Variants in DAPK2 observed in about 807,000 individuals in gnomAD.
The protein encoded by DAPK2 is death-associated protein kinase 2.
A neutral mutation model predicts 44.1 loss-of-function variants in DAPK2; 35 were observed. That is an observed-to-expected ratio of 0.79 (90% CI 0.61 to 1.05). The LOEUF is 1.05. Among genes scored for constraint, DAPK2 ranks in the 50% least tolerant of loss-of-function variants. The pLI, the probability that DAPK2 is intolerant of heterozygous loss-of-function variation, is 0.00. For synonymous variants in DAPK2, 174 were observed against 182.6 expected (o/e 0.95, Z 0.38); for missense variants, 453 against 483.2 (o/e 0.94, Z 0.59).
rs58879927 is a variant in DAPK2, at chr15:64,002,974, C to CTGTGTGTGTGTG, written c.93-19232_93-19221dup. The stretch of plus-strand genomic sequence containing the variant: ...TGTGTGTGTGTGTGTGTCGTGGGAC[C>CTGTGTGTGTGTG]TGTGTGTGTGTGTGTGTGTGTGTGT... On this transcript the variant is annotated intron_variant, in intron 1 of 10. Coordinates refer to ENST00000261891, the Ensembl canonical transcript of DAPK2. 8.6e-3 allele frequency among the ~76,000 whole-genome samples: 444 copies of CTGTGTGTGTGTG among 51,532 alleles called. 13 individuals are homozygous for CTGTGTGTGTGTG. Among genetic ancestry groups the CTGTGTGTGTGTG allele is most frequent in the South Asian group, 0.018 (19 of 1,070 alleles). The allele number at this position is 51,532 out of a possible 152,430, so 33.8% of individuals were successfully genotyped here.
At chr15:64,026,038 T>G (rs532573821) in intron 1 of DAPK2, among the ~76,000 whole-genome samples, 1 of 152,274 alleles carries the variant, frequency 6.6e-6, no homozygotes, top group African/African-American at 2.4e-5. Context: ...GTAGGAGCCC[T>G]CGCAGGTGAA....
intron 1 of DAPK2, among the ~76,000 whole-genome samples, chr15:64,036,243 G>A (rs1322496000): frequency 6.8e-6 from 1 of 147,808 alleles, no homozygotes; most frequent in Non-Finnish European, 1.5e-5. Context: ...CCTGGCGACA[G>A]AGTGAAACTC....
rs534746906 is a variant in DAPK2, at chr15:64,035,651, T to C, written c.92+4519A>G. Among the ~76,000 whole-genome samples the C allele has an allele frequency of 3.6e-4, 55 of 152,340 alleles. 1 individual carries two copies. Among genetic ancestry groups the C allele is most frequent in the Middle Eastern group, 6.8e-3 (2 of 294 alleles). Reference sequence around the variant, plus strand: ...GAGTTTCTCTTTATGAGCCCTGCTCTGATATTTCCCTGCTCTGCTCTACTG... The same window carrying C: ...GAGTTTCTCTTTATGAGCCCTGCTCCGATATTTCCCTGCTCTGCTCTACTG... On this transcript the variant is annotated intron_variant, in intron 1 of 10. Transcript: ENST00000261891.
At chr15:63,956,948 T>C (rs1435621352) in intron 3 of DAPK2, among the ~76,000 whole-genome samples, 7 of 152,228 alleles carry the variant, frequency 4.6e-5, no homozygotes. Context: ...GAATGATCCA[T>C]GTGCTGAGCA....
intron 1 of DAPK2, among the ~76,000 whole-genome samples, chr15:63,993,856 A>G (rs1370904611): frequency 6.6e-6 from 1 of 152,132 alleles, no homozygotes; most frequent in East Asian, 1.9e-4. Context: ...GACATACTGT[A>G]TCACAGGTAT....
intron 3 of DAPK2, among the ~76,000 whole-genome samples, chr15:63,968,666 C>T (rs1328583583): frequency 2.0e-5 from 3 of 152,218 alleles, no homozygotes; most frequent in Admixed American, 2.0e-4. Flanking sequence ...CTCTCTAACC[C>T]TTACAGCTCT....
chr15:63,970,148 A>T (rs1247373352), intron 3 of DAPK2, among the ~76,000 whole-genome samples: 1 of 152,180 alleles, frequency 6.6e-6, no homozygotes, highest in Non-Finnish European at 1.5e-5. Context: ...ATCACTCTGA[A>T]ACAAGTACAT....
intron 3 of DAPK2, among the ~76,000 whole-genome samples, chr15:63,961,904 G>A (rs1362231687): frequency 6.6e-6 from 1 of 152,128 alleles, no homozygotes; most frequent in Middle Eastern, 3.2e-3. Context: ...CACTAGGTTG[G>A]GGAAGTTCTA....
chr15:63,943,298 C>T (rs962756625), intron 3 of DAPK2, among the ~76,000 whole-genome samples: 11 of 152,096 alleles, frequency 7.2e-5, no homozygotes, highest in South Asian at 6.2e-4. Flanking sequence ...CATGGTGGCA[C>T]ACACTTGTAG....
At position 64,018,769 on chromosome 15, in the gene DAPK2, G is replaced by C. The variant is rs183366342; in HGVS notation, c.92+21401C>G. ...AAGGTCCTCAGTCCTGGATGGAGAC[G>C]CATGTACCTTATTTGTTAGCTCAGG... is the stretch of plus-strand genomic sequence containing the variant. On this transcript the variant is annotated intron_variant, in intron 1 of 10. Coordinates refer to ENST00000261891, the Ensembl canonical transcript of DAPK2. 1.3e-3 allele frequency among the ~76,000 whole-genome samples: 197 copies of C among 152,350 alleles called. 1 individual carries two copies. The highest frequency in any genetic ancestry group is 4.6e-3 in the African/African-American group (192 of 41,578).
At chr15:64,007,798 C>A (rs1180025720) in intron 1 of DAPK2, among the ~76,000 whole-genome samples, 1 of 152,070 alleles carries the variant, frequency 6.6e-6, no homozygotes, top group African/African-American at 2.4e-5. Context: ...AATAGATGAA[C>A]AAAAGGTGGT....
intron 4 of DAPK2, 51 bp from the exon 6 acceptor site, chr15:63,930,506 A>G: frequency 6.3e-7 from 1 of 1,578,812 alleles, no homozygotes. Context: ...ATGAGAGGAG[A>G]GATGGTTTTA....
intron 3 of DAPK2, among the ~76,000 whole-genome samples, chr15:63,947,285 C>T (rs1200258447): frequency 6.6e-6 from 1 of 152,118 alleles, no homozygotes; most frequent in African/African-American, 2.4e-5. Context: ...GGCAGAGAAT[C>T]AGCTGCACTA....
intron 1 of DAPK2, among the ~76,000 whole-genome samples, chr15:64,005,976 G>A (rs1462309209): frequency 6.7e-6 from 1 of 150,322 alleles, no homozygotes. Context: ...TAAGGCTGCT[G>A]CAGTGACCTA....
chr15:63,940,666 C>G (rs1441877148), intron 3 of DAPK2, among the ~76,000 whole-genome samples: 1 of 151,912 alleles, frequency 6.6e-6, no homozygotes, highest in Non-Finnish European at 1.5e-5. Flanking sequence ...GAACCAAGAT[C>G]GTGCCACTGC....
At chr15:63,929,681 A>C in intron 5 of DAPK2, 104 bp from the exon 7 acceptor site, 2 of 1,346,048 alleles carry the variant, frequency 1.5e-6, no homozygotes, top group Non-Finnish European at 2.1e-6. Context: ...TGCCTCCTCC[A>C]CAGCAGACCC....
At chr15:64,036,831 A>C (rs1388065534) in intron 1 of DAPK2, among the ~76,000 whole-genome samples, 1 of 152,146 alleles carries the variant, frequency 6.6e-6, no homozygotes, top group Non-Finnish European at 1.5e-5. Flanking sequence ...TTCTTCCTGC[A>C]GTCCCATGCC....
chr15:64,019,075 G>A (rs891396490), intron 1 of DAPK2, among the ~76,000 whole-genome samples: 10 of 152,092 alleles, frequency 6.6e-5, no homozygotes, highest in African/African-American at 1.2e-4. Flanking sequence ...TTATTATAAC[G>A]CCATTCTCAC....
At chr15:63,956,284 TTTTA>T (rs2077720563) in intron 3 of DAPK2, among the ~76,000 whole-genome samples, 2 of 152,184 alleles carry the variant, frequency 1.3e-5, no homozygotes, top group South Asian at 4.1e-4. Flanking sequence ...TTCATTTCAC[TTTTA>T]TTTATCTCTG....
Sources: gnomAD v4.1 joint callset for allele counts (sites outside exome capture counted in the v4.1 genomes callset) on GRCh38, gnomAD v4.1.1 for gene constraint, MANE v1.5 for transcripts, NCBI Gene and HGNC (gene_info 2026-07-23, HGNC 2026-07-21) for gene names.